The following ESR1 variants were observed in gnomAD, a reference collection of about 807,000 sequenced individuals.
ESR1 encodes estrogen receptor.
ESR1 carries 12 observed loss-of-function variants against 52.7 expected under a neutral mutation model. That is an observed-to-expected ratio of 0.23 (90% CI 0.15 to 0.37). The LOEUF is 0.37. Among genes scored for constraint, ESR1 ranks in the 10% least tolerant of loss-of-function variants. ESR1 has a pLI of 1.00. For missense variants in ESR1, 584 were observed against 779.7 expected, an observed-to-expected ratio of 0.75 and a Z score of 2.99; for synonymous variants, 305 against 316.8, an observed-to-expected ratio of 0.96 and a Z score of 0.39.
intron 4 of ESR1, among the ~76,000 whole-genome samples, chr6:151,953,126 G>A (rs902682105): frequency 3.3e-5 from 5 of 152,178 alleles, no homozygotes; most frequent in African/African-American, 9.7e-5. Context: ...CAAGATGCAT[G>A]TGGCTGACTT....
At chr6:151,791,890 T>G (rs1235537173) in intron 2 of ESR1, among the ~76,000 whole-genome samples, 1 of 152,208 alleles carries the variant, frequency 6.6e-6, no homozygotes, top group Non-Finnish European at 1.5e-5. Flanking sequence ...TCAAATAATC[T>G]TATCCGTTTA....
intron 2 of ESR1, among the ~76,000 whole-genome samples, chr6:151,867,115 C>G (rs574055491): frequency 6.6e-6 from 1 of 152,076 alleles, no homozygotes; most frequent in Non-Finnish European, 1.5e-5. Context: ...AAAATTAACT[C>G]AAGATGGATT....
chr6:151,657,568 T>C (rs1222276827), intron 1 of ESR1, among the ~76,000 whole-genome samples: 1 of 152,224 alleles, frequency 6.6e-6, no homozygotes, highest in Non-Finnish European at 1.5e-5. Context: ...TTTTGTTCTT[T>C]ACAAAATGTA....
At chr6:151,981,119 G>T (rs1156396120) in intron 4 of ESR1, among the ~76,000 whole-genome samples, 6 of 152,220 alleles carry the variant, frequency 3.9e-5, no homozygotes. Flanking sequence ...CTCATATCCT[G>T]TGCAGGATGT....
chr6:151,755,552 C>A (rs1335549136), intron 2 of ESR1, among the ~76,000 whole-genome samples: 2 of 152,214 alleles, frequency 1.3e-5, no homozygotes, highest in Non-Finnish European at 2.9e-5. Flanking sequence ...TCCTGCCTTT[C>A]CTGCCCATGC....
intron 2 of ESR1, among the ~76,000 whole-genome samples, chr6:151,849,469 C>A (rs910613198): frequency 1.3e-5 from 2 of 152,006 alleles, no homozygotes; most frequent in African/African-American, 4.8e-5. Context: ...CATGGTGAAA[C>A]CCTGTCTCTA....
At chr6:151,850,029 TA>T (rs2128249133) in intron 2 of ESR1, among the ~76,000 whole-genome samples, 1 of 109,520 alleles carries the variant, frequency 9.1e-6, no homozygotes, top group East Asian at 5.1e-4. Context: ...TATACAAAAT[TA>T]TATATATATA....
chr6:151,747,777 T>C (rs1783592113), intron 2 of ESR1, among the ~76,000 whole-genome samples: 1 of 152,158 alleles, frequency 6.6e-6, no homozygotes, highest in South Asian at 2.1e-4. Context: ...AGTATAGTGT[T>C]TTCAAGGGTC....
intron 2 of ESR1, among the ~76,000 whole-genome samples, chr6:151,747,218 T>C (rs904913633): frequency 6.6e-6 from 1 of 152,228 alleles, no homozygotes; most frequent in Non-Finnish European, 1.5e-5. Context: ...CCCAGAAAGC[T>C]CTTAGATTGT....
intron 1 of ESR1, among the ~76,000 whole-genome samples, chr6:151,837,529 A>G (rs1783556209): frequency 6.6e-6 from 1 of 152,140 alleles, no homozygotes; most frequent in African/African-American, 2.4e-5. Flanking sequence ...TCTTTTTTAT[A>G]TGATCTCTCA....
intron 2 of ESR1, among the ~76,000 whole-genome samples, chr6:151,709,592 G>A (rs562181144): frequency 6.6e-6 from 1 of 152,164 alleles, no homozygotes; most frequent in East Asian, 1.9e-4. Context: ...GTGTGCAAGG[G>A]TTCTCTTTAC....
At chr6:151,739,843 T>C (rs117024194) in intron 2 of ESR1, among the ~76,000 whole-genome samples, 2,964 of 152,308 alleles carry the variant, frequency 0.019, 35 homozygotes, top group East Asian at 0.037. Flanking sequence ...TTCTTAGCAT[T>C]CTGGCCGCAG....
At chr6:151,870,314 A>G (rs917094256) in intron 2 of ESR1, among the ~76,000 whole-genome samples, 5 of 152,200 alleles carry the variant, frequency 3.3e-5, no homozygotes, top group African/African-American at 1.2e-4. Context: ...GGGAGATATA[A>G]CTATGGAAGT....
chr6:151,937,671 T>A (rs952031200), intron 3 of ESR1, among the ~76,000 whole-genome samples: 1 of 152,162 alleles, frequency 6.6e-6, no homozygotes, highest in Non-Finnish European at 1.5e-5. Context: ...CTCCTTGACC[T>A]GAAACATTTA....
chr6:151,663,360 G>A (rs1484001705), intron 1 of ESR1, among the ~76,000 whole-genome samples: 1 of 152,148 alleles, frequency 6.6e-6, no homozygotes, highest in East Asian at 1.9e-4. Flanking sequence ...CTCTTTTTCT[G>A]CTGAGATCAA....
chr6:151,857,073 T>A lies in ESR1; in HGVS notation c.643+14286T>A, dbSNP rs1045237036. 2.0e-5 allele frequency among the ~76,000 whole-genome samples: 3 copies of A among 152,344 alleles called. No individual in the cohort carries two copies. The East Asian group carries it at 5.8e-4, about 29-fold the overall frequency. ...TTGTGTGTGCGTGTGTATTCATATATGGCTGCACACGTACATAAGTCCATA... is the reference window on the plus strand; with the variant it reads ...TTGTGTGTGCGTGTGTATTCATATAAGGCTGCACACGTACATAAGTCCATA... On this transcript the variant is annotated intron_variant, in intron 2 of 7. Coordinates refer to ENST00000206249, the MANE Select transcript of ESR1 (RefSeq NM_000125.4).
At chr6:151,756,628 C>G (rs952267435) in intron 2 of ESR1, among the ~76,000 whole-genome samples, 2 of 152,224 alleles carry the variant, frequency 1.3e-5, no homozygotes, top group African/African-American at 2.4e-5. Context: ...TATAACCGTA[C>G]TGGCCGGTAG....
intron 6 of ESR1, among the ~76,000 whole-genome samples, chr6:152,083,220 C>T (rs911276470): frequency 1.3e-5 from 2 of 152,146 alleles, no homozygotes; most frequent in Non-Finnish European, 2.9e-5. Context: ...AACCATACTA[C>T]AAGGCTACAG....
chr6:151,697,896 C>T (rs566728835), intron 1 of ESR1, among the ~76,000 whole-genome samples: 55 of 151,998 alleles, frequency 3.6e-4, no homozygotes, highest in African/African-American at 1.3e-3. Flanking sequence ...GTCAGGCATT[C>T]GAGACCAGCC....
Sources: allele counts gnomAD v4.1 joint callset (sites outside exome capture counted in the v4.1 genomes callset), GRCh38; gene constraint gnomAD v4.1.1; transcripts MANE v1.5; gene names NCBI Gene and HGNC (gene_info 2026-07-23, HGNC 2026-07-21).